The following MLANA variants were observed in gnomAD, a reference collection of about 807,000 sequenced individuals.
MLANA encodes the protein melanoma antigen recognized by T-cells 1.
In MLANA, 21 loss-of-function variants were observed where a neutral mutation model predicts 15.7. The ratio of observed to expected loss-of-function variants is 1.33; its 90% CI spans 0.95 to 1.92. The LOEUF is 1.92. Among genes scored for constraint, MLANA ranks in the 40% most tolerant of loss-of-function variants. The pLI is 0.00. For synonymous variants in MLANA, 56 were observed against 51.5 expected, an observed-to-expected ratio of 1.09 and a Z score of -0.37; for missense variants, 164 against 143.8, an observed-to-expected ratio of 1.14 and a Z score of -0.72.
intron 3 of MLANA, among the ~76,000 whole-genome samples, chr9:5,900,242 T>G (rs911274874): frequency 6.6e-6 from 1 of 152,174 alleles, no homozygotes; most frequent in African/African-American, 2.4e-5. Flanking sequence ...ACATTTTGCT[T>G]GGTAAGTTTC....
rs1832991608 is a variant in MLANA, at chr9:5,908,937, C to A, written c.*229C>A. 1 of 519,112 alleles carries A rather than the reference C, an allele frequency of 1.9e-6. No homozygotes were observed. The highest frequency in any genetic ancestry group is 3.5e-5 in the Admixed American group (1 of 28,662). The allele number at this position is 519,112 out of a possible 1,614,324, so 32.2% of individuals were successfully genotyped here. Reference sequence around the variant, plus strand: ...AACTCCATCAATAAATGTTGCAATGCATGATACTATCTGTGCCAGAGGTAA... The same window carrying A: ...AACTCCATCAATAAATGTTGCAATGAATGATACTATCTGTGCCAGAGGTAA... On this transcript the variant is annotated 3_prime_UTR_variant, in exon 5 of 5. Coordinates refer to ENST00000381477, the MANE Select transcript of MLANA (RefSeq NM_005511.2).
intron 3 of MLANA, chr9:5,898,877 T>C (rs1167719427): frequency 6.6e-6 from 1 of 152,202 alleles, no homozygotes; most frequent in East Asian, 1.9e-4. Flanking sequence ...CACTTGTGTG[T>C]TTTTTAACAG....
intron 2 of MLANA, among the ~76,000 whole-genome samples, 200 bp from the exon 3 acceptor site, chr9:5,897,357 G>A (rs573983044): frequency 1.3e-5 from 2 of 152,338 alleles, no homozygotes; most frequent in East Asian, 3.9e-4. Flanking sequence ...CACTTGAGAG[G>A]CTCCTAAAGA....
intron 3 of MLANA, among the ~76,000 whole-genome samples, chr9:5,904,757 G>A (rs186924556): frequency 6.7e-5 from 10 of 149,462 alleles, no homozygotes; most frequent in East Asian, 2.0e-4. Context: ...GAGCCACCGC[G>A]CCCAGTCCAG....
In MLANA at chr9:5,905,884, C is replaced by T. The variant is rs1003167686; in HGVS notation, c.175-1001C>T. On this transcript the variant is annotated intron_variant, in intron 3 of 4. Transcript: ENST00000381477. The stretch of plus-strand genomic sequence containing the variant: ...TTCTCCCGGCCATGGTCATTCATAT[C>T]GGCACAGAATAAACCTCTTTAAAAT... 3.9e-5 allele frequency among the ~76,000 whole-genome samples: 6 copies of T among 152,318 alleles called. No homozygotes were observed. The East Asian group carries it at 5.8e-4, about 15-fold the overall frequency.
chr9:5,897,418 G>C (rs1271934484), intron 2 of MLANA, 139 bp from the exon 3 acceptor site: 2 of 729,706 alleles, frequency 2.7e-6, no homozygotes, highest in Non-Finnish European at 4.8e-6. Flanking sequence ...CAGTGTGGGA[G>C]GTGGGAAACT....
At chr9:5,901,015 G>C (rs929046586) in intron 3 of MLANA, among the ~76,000 whole-genome samples, 1 of 152,074 alleles carries the variant, frequency 6.6e-6, no homozygotes, top group Non-Finnish European at 1.5e-5. Flanking sequence ...ATCTCTGGTG[G>C]TGGGATTCAG....
At chr9:5,907,981 A>G (rs983493967) in intron 4 of MLANA, among the ~76,000 whole-genome samples, 6 of 152,320 alleles carry the variant, frequency 3.9e-5, no homozygotes, top group East Asian at 1.9e-4. Context: ...ATAAAATTAC[A>G]TAAGTGGCTT....
chr9:5,905,556 C>A (rs538875068), intron 3 of MLANA, among the ~76,000 whole-genome samples: 1 of 152,320 alleles, frequency 6.6e-6, no homozygotes, highest in Admixed American at 6.5e-5. Context: ...CAAACTGACT[C>A]TGGTATAGCA....
chr9:5,893,098 G>C (rs1326998411), intron 2 of MLANA, among the ~76,000 whole-genome samples: 1 of 152,180 alleles, frequency 6.6e-6, no homozygotes, highest in African/African-American at 2.4e-5. Flanking sequence ...ATATGATTAA[G>C]CATTTCTAAA....
At chr9:5,904,751 C>T (rs1201201271) in intron 3 of MLANA, among the ~76,000 whole-genome samples, 1 of 150,914 alleles carries the variant, frequency 6.6e-6, no homozygotes, top group Non-Finnish European at 1.5e-5. Context: ...AGGCGTGAGC[C>T]ACCGCGCCCA....
At chr9:5,897,469 C>T in intron 2 of MLANA, 88 bp from the exon 3 acceptor site, 1 of 1,245,118 alleles carries the variant, frequency 8.0e-7, no homozygotes, top group Non-Finnish European at 1.2e-6. Flanking sequence ...CGTCAAAGTC[C>T]ATATGAAGAG....
chr9:5,904,584 T>A (rs1248473975), intron 3 of MLANA, among the ~76,000 whole-genome samples: 1 of 152,080 alleles, frequency 6.6e-6, no homozygotes, highest in East Asian at 1.9e-4. Context: ...GTGATTCTCC[T>A]GTCTCAGCCT....
At chr9:5,900,391 A>C (rs1832336607) in intron 3 of MLANA, among the ~76,000 whole-genome samples, 1 of 152,118 alleles carries the variant, frequency 6.6e-6, no homozygotes, top group South Asian at 2.1e-4. Context: ...TTAATATTAA[A>C]ATCTTATTTT....
intron 3 of MLANA, among the ~76,000 whole-genome samples, chr9:5,899,624 G>C (rs565618056): frequency 8.5e-5 from 13 of 152,172 alleles, no homozygotes; most frequent in African/African-American, 3.1e-4. Flanking sequence ...GTCCACAACA[G>C]GTTAGTAGGG....
intron 3 of MLANA, 21 bp from the exon 4 acceptor site, chr9:5,906,864 C>A (rs766673610): frequency 2.7e-6 from 4 of 1,485,048 alleles, no homozygotes; most frequent in Non-Finnish European, 2.7e-6. Flanking sequence ...ACCCACTCAC[C>A]TTTATCAATT....
Position 5,899,886 on chromosome 9 carries a change from ACTAGAATT to A in MLANA, c.174+2235_174+2242del, listed in dbSNP as rs1832303434. On this transcript the variant is annotated intron_variant, in intron 3 of 4. Transcript: ENST00000381477. ...TTGTCTGCCATTGAGTTGCTTGGAG[ACTAGAATT>A]CAACTTCTCCAAGATTCACTAGCTC... Among the ~76,000 whole-genome samples, 4 of 152,252 alleles carry A rather than the reference ACTAGAATT, an allele frequency of 2.6e-5. No homozygotes were observed. In the South Asian group the frequency reaches 6.2e-4, roughly 24 times the overall value.
chr9:5,898,488 G>A lies in MLANA; in HGVS notation c.174+835G>A, dbSNP rs1004543850. 5.9e-4 allele frequency among the ~76,000 whole-genome samples: 90 copies of A among 152,180 alleles called. 2 individuals are homozygous for A. Among genetic ancestry groups the A allele is most frequent in the African/African-American group, 2.0e-3 (83 of 41,512 alleles). Reference sequence around the variant, plus strand: ...CTACCTCTTACCATTGTTGCATTGGGGATTAAGTTTCCAATACACGAATTT... The same window carrying A: ...CTACCTCTTACCATTGTTGCATTGGAGATTAAGTTTCCAATACACGAATTT... On this transcript the variant is annotated intron_variant, in intron 3 of 4. Coordinates refer to ENST00000381477, the MANE Select transcript of MLANA (RefSeq NM_005511.2).
intron 2 of MLANA, among the ~76,000 whole-genome samples, chr9:5,893,277 T>C (rs1831775185): frequency 1.3e-5 from 2 of 152,094 alleles, no homozygotes; most frequent in African/African-American, 2.4e-5. Context: ...GAAAGGGACA[T>C]ACTCTGTACG....
Sources: gnomAD v4.1 joint callset for allele counts (sites outside exome capture counted in the v4.1 genomes callset) on GRCh38, gnomAD v4.1.1 for gene constraint, MANE v1.5 for transcripts, NCBI Gene and HGNC (gene_info 2026-07-23, HGNC 2026-07-21) for gene names.